The following SORL1 variants were observed in gnomAD, a reference collection of about 807,000 sequenced individuals.
SORL1 encodes the protein sortilin related receptor 1.
In SORL1, 127 loss-of-function variants were observed where a neutral mutation model predicts 273.7. The observed-to-expected ratio is 0.46, with a 90% CI of 0.40 to 0.54. SORL1 has a LOEUF of 0.54. SORL1 is among the 20% of genes least tolerant of loss of function. The pLI, the probability that SORL1 is intolerant of heterozygous loss-of-function variation, is 0.00. For synonymous variants in SORL1, 1,031 were observed against 1,067.4 expected, an observed-to-expected ratio of 0.97 and a Z score of 0.66; for missense variants, 2,494 against 2,846.1, an observed-to-expected ratio of 0.88 and a Z score of 2.81.
chr11:121,615,248 T>G (rs956991935), intron 41 of SORL1, among the ~76,000 whole-genome samples, 193 bp downstream of exon 41: 1 of 152,212 alleles, frequency 6.6e-6, no homozygotes, highest in African/African-American at 2.4e-5. Flanking sequence ...TGTGCTCCTT[T>G]TTGAGTCTAC....
In SORL1 at chr11:121,595,665, G is replaced by A. The variant is rs767645899; in HGVS notation, c.4412G>A (p.Cys1471Tyr). The change falls in exon 32 of 48, where the codon TGT becomes TAT. Residue 1471 changes from cysteine to tyrosine, a missense_variant. Transcript: ENST00000260197. The surrounding 1 kb of genome is among the most constrained non-coding windows in gnomAD (Gnocchi z 5.1). The stretch of plus-strand genomic sequence containing the variant: ...TCCACTCCCACCCAACTTGGGCGAT[G>A]TGACCGATTTGAGTTCGAATGCCAC... Reference protein sequence around the residue: ...AASTPTQLGRCDRFEFECHQP... With the variant: ...AASTPTQLGRYDRFEFECHQP... The A allele has an allele frequency of 6.2e-7, 1 of 1,612,900 alleles. No homozygotes were observed. The highest frequency in any genetic ancestry group is 8.5e-7 in the Non-Finnish European group (1 of 1,179,458).
intron 25 of SORL1, among the ~76,000 whole-genome samples, chr11:121,581,660 G>C (rs1266991296): frequency 6.6e-6 from 1 of 152,188 alleles, no homozygotes; most frequent in East Asian, 1.9e-4. Context: ...ATGTATTCCA[G>C]CCATACCTGG....
chr11:121,489,083 G>T (rs1861515138), intron 4 of SORL1, among the ~76,000 whole-genome samples: 1 of 152,148 alleles, frequency 6.6e-6, no homozygotes, highest in Admixed American at 6.5e-5. Context: ...CTTTGGCAAA[G>T]ATCAGCAGGT....
intron 24 of SORL1, among the ~76,000 whole-genome samples, chr11:121,576,586 T>G (rs1862934665): frequency 6.6e-6 from 1 of 152,370 alleles, no homozygotes; most frequent in South Asian, 2.1e-4. Flanking sequence ...TAAATTGCTA[T>G]TGTTTATAAG....
chr11:121,464,232 G>T (rs1208119953), intron 1 of SORL1, among the ~76,000 whole-genome samples: 2 of 152,152 alleles, frequency 1.3e-5, no homozygotes, highest in Non-Finnish European at 2.9e-5. Flanking sequence ...CAATTTGAAA[G>T]AGGTGTAGAG....
chr11:121,570,144 C>T lies in SORL1; in HGVS notation c.3224-13C>T, dbSNP rs1305192435. ...TGGTTTCATTTCCTCCCCTGCCGCA[C>T]TCTGATGGGTAGAGAACACCTGTCT... On this transcript the variant is annotated splice_polypyrimidine_tract_variant and intron_variant, in intron 22 of 47. Transcript: ENST00000260197. The T allele has an allele frequency of 6.3e-7, 1 of 1,590,052 alleles. No individual in the cohort carries two copies. Among genetic ancestry groups the T allele is most frequent in the Admixed American group, 1.7e-5 (1 of 59,784 alleles).
chr11:121,524,070 G>A (rs968798411), intron 11 of SORL1, among the ~76,000 whole-genome samples: 4 of 152,204 alleles, frequency 2.6e-5, no homozygotes, highest in Admixed American at 1.3e-4. Flanking sequence ...TGTGGTGAAC[G>A]CAAATATGTG....
At chr11:121,557,580 C>T (rs150727235) in intron 19 of SORL1, among the ~76,000 whole-genome samples, 175 bp downstream of exon 19, 64 of 152,282 alleles carry the variant, frequency 4.2e-4, no homozygotes, top group African/African-American at 1.4e-3. Flanking sequence ...TAACTCCGTT[C>T]GCTTTTTGTT....
chr11:121,519,783 G>C (rs1246939033), intron 8 of SORL1, among the ~76,000 whole-genome samples: 1 of 152,140 alleles, frequency 6.6e-6, no homozygotes, highest in Non-Finnish European at 1.5e-5. Flanking sequence ...AATGATTTCT[G>C]TTTTTGAAGG....
chr11:121,633,570 A>G lies in SORL1; in HGVS notation c.*4007A>G, dbSNP rs1131512. ...AATTGCCTCGATAAGTTTCCAAGTCACTGAAATCTGCTGAAGGTTTTACTG... is the reference window on the plus strand; with the variant it reads ...AATTGCCTCGATAAGTTTCCAAGTCGCTGAAATCTGCTGAAGGTTTTACTG... On this transcript the variant is annotated 3_prime_UTR_variant, in exon 48 of 48. Coordinates refer to ENST00000260197, the MANE Select transcript of SORL1 (RefSeq NM_003105.6). 1.3e-5 allele frequency: 2 copies of G among 152,244 alleles called. No individual in the cohort carries two copies. Among genetic ancestry groups the G allele is most frequent in the Admixed American group, 6.5e-5 (1 of 15,286 alleles). 9.4% of individuals were successfully genotyped at this position (152,244 alleles called of 1,614,324 possible).
chr11:121,536,218 T>C (rs555433939), intron 12 of SORL1, among the ~76,000 whole-genome samples: 1 of 152,216 alleles, frequency 6.6e-6, no homozygotes, highest in Non-Finnish European at 1.5e-5. Flanking sequence ...CTGAAAAGAC[T>C]CCACGCAGCA....
rs1863903859 is a variant in SORL1, at chr11:121,633,477, AC to A, written c.*3915del. On this transcript the variant is annotated 3_prime_UTR_variant, in exon 48 of 48. Coordinates refer to ENST00000260197, the MANE Select transcript of SORL1 (RefSeq NM_003105.6). ...TTGCGGCAAAATAAAGGCCTATTCT[AC>A]TCTTATTTAAAGTGAAACACTGTAT... The A allele has an allele frequency of 1.3e-5, 2 of 152,196 alleles. No individual in the cohort carries two copies. The allele number at this position is 152,196 out of a possible 1,614,324, so 9.4% of individuals were successfully genotyped here. A position where few individuals can be genotyped will look rare whatever the true frequency, so the allele number is the denominator to read the frequency against.
chr11:121,592,908 T>G (rs1503424), intron 31 of SORL1, among the ~76,000 whole-genome samples: 149,786 of 152,358 alleles, frequency 0.98, 73,710 homozygotes, highest in Middle Eastern at 1. Flanking sequence ...AATCCAGTGA[T>G]CAGATCTCTG....
intron 1 of SORL1, among the ~76,000 whole-genome samples, chr11:121,466,208 A>T (rs144770280): frequency 6.6e-6 from 1 of 152,006 alleles, no homozygotes; most frequent in African/African-American, 2.4e-5. Flanking sequence ...AAGGTTGTTC[A>T]CACCCCGGGG....
intron 1 of SORL1, among the ~76,000 whole-genome samples, chr11:121,460,547 C>T (rs1157236388): frequency 6.6e-6 from 1 of 151,990 alleles, no homozygotes; most frequent in Admixed American, 6.6e-5. Flanking sequence ...AGGTGCGCAC[C>T]ACCACGCCCG....
chr11:121,502,961 C>T (rs189557100), intron 6 of SORL1, among the ~76,000 whole-genome samples: 12 of 152,224 alleles, frequency 7.9e-5, no homozygotes, highest in Admixed American at 1.3e-4. Context: ...CCGTGATCTT[C>T]GTGTGCTCAA....
chr11:121,456,740 T>C (rs1860912092), intron 1 of SORL1, among the ~76,000 whole-genome samples: 1 of 152,226 alleles, frequency 6.6e-6, no homozygotes, highest in African/African-American at 2.4e-5. Context: ...TTATTTTCCT[T>C]CCAACAAGCT....
At chr11:121,520,558 C>A in intron 8 of SORL1, 99 bp from the exon 9 acceptor site, 2 of 769,870 alleles carry the variant, frequency 2.6e-6, no homozygotes, top group Non-Finnish European at 4.0e-6. Flanking sequence ...GTGCTTAATG[C>A]CACAAAATTG....
At chr11:121,513,969 G>A (rs968856669) in intron 7 of SORL1, among the ~76,000 whole-genome samples, 183 bp from the exon 8 acceptor site, 2 of 152,226 alleles carry the variant, frequency 1.3e-5, no homozygotes, top group Non-Finnish European at 2.9e-5. Flanking sequence ...CTGCAGATCT[G>A]CCTCAGGTTC....
Sources: gnomAD v4.1 joint callset for allele counts (sites outside exome capture counted in the v4.1 genomes callset) on GRCh38, gnomAD v4.1.1 for gene constraint, Gnocchi (gnomAD v3.1) non-coding constraint, MANE v1.5 for transcripts, NCBI Gene and HGNC (gene_info 2026-07-23, HGNC 2026-07-21) for gene names.